The following NTN4 variants were observed in gnomAD, a reference collection of about 807,000 sequenced individuals.
NTN4 encodes the protein netrin-4.
In NTN4, 32 loss-of-function variants were observed where a neutral mutation model predicts 73.6. The ratio of observed to expected loss-of-function variants is 0.44; its 90% CI spans 0.33 to 0.58. The LOEUF (loss-of-function observed/expected upper bound fraction) is 0.58. Ranked by LOEUF, NTN4 falls within the 20% of genes least tolerant of loss-of-function variation. The pLI is 0.04. For synonymous variants in NTN4, 258 were observed against 287.5 expected (o/e 0.90, Z 1.04); for missense variants, 654 against 798.3 (o/e 0.82, Z 2.18).
At chr12:95,791,105 C>G (rs2079207787), upstream of NTN4, 1 of 152,934 alleles carries the variant, frequency 6.5e-6, no homozygotes, top group Non-Finnish European at 1.5e-5. The surrounding 1 kb of genome is among the most constrained non-coding windows in gnomAD (Gnocchi z 4.0). Flanking sequence ...GGGAAGCAAT[C>G]TCCCACCTTC....
chr12:95,718,285 T>G (rs570832548), intron 3 of NTN4, among the ~76,000 whole-genome samples: 1 of 152,290 alleles, frequency 6.6e-6, no homozygotes, highest in South Asian at 2.1e-4. Context: ...AAAGCTGCTT[T>G]TTCATTGTCC....
At chr12:95,729,966 G>A (rs887342484) in intron 3 of NTN4, among the ~76,000 whole-genome samples, 2 of 152,094 alleles carry the variant, frequency 1.3e-5, no homozygotes, top group Non-Finnish European at 2.9e-5. Flanking sequence ...TCCAGACACA[G>A]AGATCTGACT....
intron 5 of NTN4, 116 bp from the exon 6 acceptor site, chr12:95,683,827 CCTT>C: frequency 1.5e-6 from 1 of 681,700 alleles, no homozygotes; most frequent in Admixed American, 2.4e-5. Context: ...TTCTGAGACT[CCTT>C]CTTTAGCCAG....
At chr12:95,743,683 T>C (rs912833196) in intron 2 of NTN4, among the ~76,000 whole-genome samples, 9 of 152,238 alleles carry the variant, frequency 5.9e-5, no homozygotes, top group South Asian at 2.1e-4. Flanking sequence ...CTTAATTTCA[T>C]TGTGGTCAAA....
At chr12:95,717,528 T>C (rs555767739) in intron 3 of NTN4, among the ~76,000 whole-genome samples, 2 of 152,154 alleles carry the variant, frequency 1.3e-5, no homozygotes, top group South Asian at 4.2e-4. Flanking sequence ...TTACCAAAAA[T>C]AGCTGTAAAT....
intron 8 of NTN4, 96 bp from the exon 9 acceptor site, chr12:95,666,076 G>A (rs2078177408): frequency 1.1e-6 from 1 of 919,992 alleles, no homozygotes; most frequent in Non-Finnish European, 1.6e-6. Context: ...ATGGAAAGGT[G>A]AATTGATGAT....
At chr12:95,712,491 T>G (rs1197665032) in intron 4 of NTN4, among the ~76,000 whole-genome samples, 1 of 152,252 alleles carries the variant, frequency 6.6e-6, no homozygotes, top group Non-Finnish European at 1.5e-5. Flanking sequence ...CACCACGTGC[T>G]TTATTGGGTA....
At chr12:95,691,293 T>C (rs140893961) in intron 5 of NTN4, among the ~76,000 whole-genome samples, 268 of 150,330 alleles carry the variant, frequency 1.8e-3, no homozygotes, top group African/African-American at 6.3e-3. Context: ...TTCTTACTAA[T>C]TGTTGATTCT....
intron 7 of NTN4, chr12:95,673,404 G>A: frequency 4.5e-6 from 1 of 223,042 alleles, no homozygotes; most frequent in Non-Finnish European, 9.0e-6. Flanking sequence ...ACCATGCTAA[G>A]CCATGACCAA....
intron 2 of NTN4, among the ~76,000 whole-genome samples, chr12:95,780,912 A>G (rs1438088812): frequency 1.3e-5 from 2 of 152,232 alleles, no homozygotes; most frequent in East Asian, 1.9e-4. Context: ...ATGTCCATCA[A>G]TGATAGACTG....
intron 5 of NTN4, among the ~76,000 whole-genome samples, chr12:95,702,430 C>T (rs555649668): frequency 6.6e-6 from 1 of 152,062 alleles, no homozygotes; most frequent in African/African-American, 2.4e-5. Flanking sequence ...ATTGTCCTCA[C>T]TCACCCCCAC....
chr12:95,787,486 T>C lies in NTN4; in HGVS notation c.56-18A>G, dbSNP rs765678478. 4 of 1,608,830 alleles carry C rather than the reference T, an allele frequency of 2.5e-6. No individual in the cohort carries two copies. Among genetic ancestry groups the C allele is most frequent in the Admixed American group, 3.3e-5 (2 of 59,824 alleles). On this transcript the variant is annotated intron_variant, in intron 1 of 9. Coordinates refer to ENST00000343702, the MANE Select transcript of NTN4 (RefSeq NM_021229.4). ...ACTCAGTCCTAAGAAAGGGAAAGCA[T>C]GCATGATGCAAGACAAACCCATCTG...
chr12:95,731,665 C>T (rs1198307256), intron 3 of NTN4, among the ~76,000 whole-genome samples: 3 of 152,148 alleles, frequency 2.0e-5, no homozygotes, highest in Non-Finnish European at 4.4e-5. Context: ...TGATCAGTCC[C>T]TTGAACCCAG....
At chr12:95,728,488 C>A (rs1313677110) in intron 3 of NTN4, among the ~76,000 whole-genome samples, 1 of 152,090 alleles carries the variant, frequency 6.6e-6, no homozygotes, top group Non-Finnish European at 1.5e-5. Flanking sequence ...TGAGGAAGCT[C>A]CTTTTTATTC....
chr12:95,705,712 C>T (rs2078517668), intron 5 of NTN4, among the ~76,000 whole-genome samples: 1 of 152,138 alleles, frequency 6.6e-6, no homozygotes, highest in African/African-American at 2.4e-5. Context: ...TAACACAATA[C>T]TTATTATACT....
chr12:95,786,888 G>T (rs1284076338), intron 2 of NTN4, 51 bp downstream of exon 2: 4 of 1,482,786 alleles, frequency 2.7e-6, no homozygotes, highest in Non-Finnish European at 3.7e-6. Flanking sequence ...ATGCGGGCTG[G>T]TAACATTTTT....
intron 7 of NTN4, among the ~76,000 whole-genome samples, chr12:95,670,718 G>A (rs2078220555): frequency 1.3e-5 from 2 of 152,238 alleles, no homozygotes; most frequent in African/African-American, 4.8e-5. Context: ...TGTACAAAAA[G>A]TGATAAAGTG....
chr12:95,705,321 T>C, intron 5 of NTN4, among the ~76,000 whole-genome samples: 1 of 152,146 alleles, frequency 6.6e-6, no homozygotes, highest in East Asian at 1.9e-4. Flanking sequence ...TTATAGTAGA[T>C]GACGCACATG....
intron 7 of NTN4, chr12:95,673,239 A>G (rs2078247955): frequency 2.5e-6 from 1 of 397,790 alleles, no homozygotes; most frequent in African/African-American, 2.1e-5. Context: ...TGTCTCCTGC[A>G]CCCACTCCCT....
Sources: allele counts gnomAD v4.1 joint callset (sites outside exome capture counted in the v4.1 genomes callset), GRCh38; gene constraint gnomAD v4.1.1; non-coding constraint Gnocchi (gnomAD v3.1); transcripts MANE v1.5; gene names NCBI Gene and HGNC (gene_info 2026-07-23, HGNC 2026-07-21).